The following FHIT variants were observed in gnomAD, a reference collection of about 807,000 sequenced individuals.
The protein encoded by FHIT is fragile histidine triad diadenosine triphosphatase.
Under a neutral mutation model 17.9 loss-of-function variants are expected in FHIT, and 19 were observed. The observed-to-expected ratio is 1.06, with a 90% confidence interval of 0.74 to 1.56. FHIT has a LOEUF of 1.56. Among genes scored for constraint, FHIT ranks in the 40% most tolerant of loss-of-function variants. The pLI is 0.00. For synonymous variants in FHIT, 81 were observed against 69.7 expected, an observed-to-expected ratio of 1.16 and a Z score of -0.81; for missense variants, 248 against 189.2, an observed-to-expected ratio of 1.31 and a Z score of -1.82.
intron 8 of FHIT, among the ~76,000 whole-genome samples, chr3:59,881,971 A>G (rs1254304578): frequency 1.3e-5 from 2 of 152,170 alleles, no homozygotes; most frequent in African/African-American, 4.8e-5. Context: ...AAAATTTACC[A>G]TGAGGTGCTT....
At position 60,124,041 on chromosome 3, in the gene FHIT, G is replaced by GAGAGAGAGAGAGAC. The variant is rs1553691007; in HGVS notation, c.104-109890_104-109889insGTCTCTCTCTCTCT. Among the ~76,000 whole-genome samples, 109 of 47,578 alleles carry GAGAGAGAGAGAGAC rather than the reference G, an allele frequency of 2.3e-3. 2 individuals are homozygous for GAGAGAGAGAGAGAC. The highest frequency in any genetic ancestry group is 0.011 in the Middle Eastern group (1 of 88). 31.2% of individuals were successfully genotyped at this position (47,578 alleles called of 152,430 possible). ...AGAGAGAGAGAGAGAGAGAGAGAGA[G>GAGAGAGAGAGAGAC]AGAGAGAGAGAGAGACAGAGAGAGA... On this transcript the variant is annotated intron_variant, in intron 5 of 9. Transcript: ENST00000492590.
intron 3 of FHIT, among the ~76,000 whole-genome samples, chr3:60,866,170 T>G (rs1209616834): frequency 6.6e-6 from 1 of 152,224 alleles, no homozygotes; most frequent in Non-Finnish European, 1.5e-5. Flanking sequence ...TGATACTTAT[T>G]TTTAATCTGA....
At position 59,955,518 on chromosome 3, in the gene FHIT, T is replaced by C. The variant is rs564362385; in HGVS notation, c.280-33104A>G. Among the ~76,000 whole-genome samples, 20 of 152,286 alleles carry C rather than the reference T, an allele frequency of 1.3e-4. No individual in the cohort carries two copies. In the South Asian group the frequency reaches 3.7e-3, roughly 28 times the overall value. The stretch of plus-strand genomic sequence containing the variant: ...AATGTTGCTGGCACACACTTTTATA[T>C]CCCTAGCTCCCACTTCTCCGCTGGT... On this transcript the variant is annotated intron_variant, in intron 7 of 9. Transcript: ENST00000492590.
chr3:60,202,652 CAAAT>C (rs1702969563), intron 5 of FHIT, among the ~76,000 whole-genome samples: 1 of 152,150 alleles, frequency 6.6e-6, no homozygotes, highest in African/African-American at 2.4e-5. Context: ...CATATCTTCA[CAAAT>C]ACTCATTATT....
At chr3:60,256,238 G>C (rs1415905276) in intron 5 of FHIT, among the ~76,000 whole-genome samples, 4 of 152,112 alleles carry the variant, frequency 2.6e-5, no homozygotes, top group Non-Finnish European at 2.9e-5. Flanking sequence ...TTAAGAACTG[G>C]TGCCTCTTCC....
chr3:61,120,140 G>C (rs1264741954), intron 2 of FHIT, among the ~76,000 whole-genome samples: 1 of 152,152 alleles, frequency 6.6e-6, no homozygotes, highest in Admixed American at 6.6e-5. Context: ...GTGAACCAGG[G>C]CATGTTACTT....
intron 3 of FHIT, among the ~76,000 whole-genome samples, chr3:60,897,615 T>G (rs1705896710): frequency 6.6e-6 from 1 of 152,192 alleles, no homozygotes; most frequent in Non-Finnish European, 1.5e-5. Flanking sequence ...ACACTATACA[T>G]GGGAATGTAT....
intron 5 of FHIT, among the ~76,000 whole-genome samples, chr3:60,038,691 C>T (rs769286725): frequency 1.1e-4 from 10 of 90,850 alleles, no homozygotes; most frequent in African/African-American, 1.9e-4. Flanking sequence ...AAAAGTTGCT[C>T]GCTACTGATA....
intron 2 of FHIT, among the ~76,000 whole-genome samples, chr3:61,158,668 A>G (rs1220797589): frequency 6.6e-6 from 1 of 152,178 alleles, no homozygotes; most frequent in African/African-American, 2.4e-5. Context: ...ATATTCAGTG[A>G]CATTTGATTT....
intron 3 of FHIT, among the ~76,000 whole-genome samples, chr3:61,000,879 G>A (rs904474178): frequency 2.6e-5 from 4 of 152,070 alleles, no homozygotes; most frequent in East Asian, 1.9e-4. Context: ...GGCAGCGATG[G>A]GCAGTGAGGC....
intron 4 of FHIT, among the ~76,000 whole-genome samples, chr3:60,697,267 T>A (rs797032791): frequency 7.9e-5 from 12 of 152,256 alleles, no homozygotes; most frequent in African/African-American, 2.6e-4. Context: ...AGTGACTACC[T>A]CTAATATGAT....
chr3:60,144,648 C>T (rs535494454), intron 5 of FHIT, among the ~76,000 whole-genome samples: 2 of 151,998 alleles, frequency 1.3e-5, no homozygotes, highest in East Asian at 3.9e-4. Context: ...TTACGGGGTA[C>T]AATTTGATGT....
intron 7 of FHIT, among the ~76,000 whole-genome samples, chr3:59,959,880 T>G (rs1707584005): frequency 6.6e-6 from 1 of 152,082 alleles, no homozygotes; most frequent in South Asian, 2.1e-4. Context: ...AAGTTGACAT[T>G]AATTAGGTGG....
chr3:60,459,317 A>C (rs1346096965), intron 5 of FHIT, among the ~76,000 whole-genome samples: 1 of 152,212 alleles, frequency 6.6e-6, no homozygotes, highest in Admixed American at 6.5e-5. Flanking sequence ...GGTATATGCC[A>C]TAATGCAAAG....
intron 5 of FHIT, among the ~76,000 whole-genome samples, chr3:60,401,210 G>T (rs1488287988): frequency 6.6e-6 from 1 of 152,130 alleles, no homozygotes; most frequent in African/African-American, 2.4e-5. Context: ...CCTTAGTTAT[G>T]TACTTTGAAG....
intron 5 of FHIT, among the ~76,000 whole-genome samples, chr3:60,192,925 G>T (rs948463478): frequency 3.3e-5 from 5 of 152,162 alleles, no homozygotes; most frequent in African/African-American, 4.8e-5. Flanking sequence ...GAAGTGATTG[G>T]TCTGCCACTT....
chr3:60,336,739 G>A (rs563869294), intron 5 of FHIT, among the ~76,000 whole-genome samples: 62 of 152,224 alleles, frequency 4.1e-4, no homozygotes, highest in African/African-American at 1.2e-3. Context: ...AGAAAGTTCC[G>A]TTAGACAGCA....
At chr3:60,378,339 T>G (rs544803312) in intron 5 of FHIT, among the ~76,000 whole-genome samples, 85 of 152,126 alleles carry the variant, frequency 5.6e-4, no homozygotes, top group Admixed American at 9.8e-4. Context: ...TTATGAAGAG[T>G]GACAGAAAAG....
At chr3:60,754,845 G>T (rs1348087665) in intron 4 of FHIT, among the ~76,000 whole-genome samples, 1 of 152,042 alleles carries the variant, frequency 6.6e-6, no homozygotes, top group Non-Finnish European at 1.5e-5. Context: ...CCCATTGCTG[G>T]AACCTTAGTC....
Sources: allele counts gnomAD v4.1 joint callset (sites outside exome capture counted in the v4.1 genomes callset), GRCh38; gene constraint gnomAD v4.1.1; transcripts MANE v1.5; gene names NCBI Gene and HGNC (gene_info 2026-07-23, HGNC 2026-07-21).